Variants in ASIC2 observed in about 807,000 individuals in gnomAD.
ASIC2 encodes the protein acid sensing ion channel subunit 2.
In ASIC2, 25 loss-of-function variants were observed where a neutral mutation model predicts 57.3. The ratio of observed to expected loss-of-function variants is 0.44; its 90% CI spans 0.32 to 0.61. The LOEUF is 0.61. Among genes scored for constraint, ASIC2 ranks in the 20% least tolerant of loss-of-function variants. The pLI, the probability that ASIC2 is intolerant of heterozygous loss-of-function variation, is 0.06. For synonymous variants in ASIC2, 319 were observed against 307.5 expected (o/e 1.04, Z -0.39); for missense variants, 641 against 738.1 (o/e 0.87, Z 1.52).
intron 3 of ASIC2, among the ~76,000 whole-genome samples, chr17:33,071,281 A>G (rs1032363340): frequency 6.6e-6 from 1 of 152,160 alleles, no homozygotes; most frequent in Non-Finnish European, 1.5e-5. Flanking sequence ...TACATTCTTC[A>G]TTTTAAAAAT....
rs572403506 is a variant in ASIC2, at chr17:33,810,431, A to G, written c.555+345547T>C. 5.3e-5 allele frequency among the ~76,000 whole-genome samples: 8 copies of G among 152,332 alleles called. No individual in the cohort carries two copies. The East Asian group carries it at 5.8e-4, about 11-fold the overall frequency. ...TGTGTGGGGGTGGGCATCAGGAGGCATCAGTAATTCTTGTTCTTAAAGAAC... is the reference window on the plus strand; with the variant it reads ...TGTGTGGGGGTGGGCATCAGGAGGCGTCAGTAATTCTTGTTCTTAAAGAAC... On this transcript the variant is annotated intron_variant, in intron 1 of 9. Transcript: ENST00000359872.
chr17:34,017,748 T>C (rs906350249), intron 1 of ASIC2, among the ~76,000 whole-genome samples: 8 of 152,170 alleles, frequency 5.3e-5, no homozygotes, highest in African/African-American at 1.9e-4. Context: ...CAAAGCCTAA[T>C]CCAGAGCAAG....
intron 3 of ASIC2, among the ~76,000 whole-genome samples, chr17:33,060,671 A>G (rs953655266): frequency 2.6e-5 from 4 of 152,126 alleles, no homozygotes; most frequent in African/African-American, 9.7e-5. Flanking sequence ...TATGAACTTT[A>G]AAGTAGTTTT....
chr17:33,383,544 T>C (rs1330934851), intron 1 of ASIC2, among the ~76,000 whole-genome samples: 1 of 152,198 alleles, frequency 6.6e-6, no homozygotes, highest in Admixed American at 6.5e-5. Context: ...AGTAAATTGA[T>C]CTTTTGACTC....
intron 1 of ASIC2, among the ~76,000 whole-genome samples, chr17:34,043,627 A>T (rs1414305382): frequency 1.3e-5 from 2 of 152,268 alleles, no homozygotes; most frequent in East Asian, 3.8e-4. Context: ...GAAAGTAGAC[A>T]TTCAGCAAAT....
chr17:33,799,194 T>A (rs1912006319), intron 1 of ASIC2, among the ~76,000 whole-genome samples: 1 of 152,054 alleles, frequency 6.6e-6, no homozygotes, highest in South Asian at 2.1e-4. Context: ...CTCAGAGATA[T>A]ATTTGTGTAA....
intron 1 of ASIC2, among the ~76,000 whole-genome samples, chr17:33,877,184 A>C (rs929092377): frequency 5.9e-5 from 9 of 152,234 alleles, no homozygotes; most frequent in African/African-American, 2.2e-4. Flanking sequence ...TACAGCTCCC[A>C]GCGTGAGCAA....
intron 1 of ASIC2, among the ~76,000 whole-genome samples, chr17:33,700,190 G>T (rs1908653411): frequency 6.6e-6 from 1 of 152,054 alleles, no homozygotes; most frequent in East Asian, 1.9e-4. Flanking sequence ...TGGAACCCTT[G>T]GTAAATGGTT....
chr17:33,737,070 A>G (rs934552547), intron 1 of ASIC2, among the ~76,000 whole-genome samples: 1 of 152,216 alleles, frequency 6.6e-6, no homozygotes, highest in Non-Finnish European at 1.5e-5. Flanking sequence ...CAATCTATTC[A>G]TCTATTCCTG....
chr17:34,099,141 AGAGACAGAGAGAG>A (rs1910678893), intron 1 of ASIC2, among the ~76,000 whole-genome samples: 1 of 21,280 alleles, frequency 4.7e-5, no homozygotes, highest in African/African-American at 1.2e-4. Flanking sequence ...AGAGAGAGAG[AGAGACAGAGAGAG>A]AGAGAGAGAG....
chr17:33,479,675 C>T (rs1001458841), intron 1 of ASIC2, among the ~76,000 whole-genome samples: 2 of 152,154 alleles, frequency 1.3e-5, no homozygotes, highest in Admixed American at 6.5e-5. Context: ...GGGCATAACC[C>T]GTGCTGGGGC....
chr17:33,468,123 G>A (rs1024261720), intron 1 of ASIC2, among the ~76,000 whole-genome samples: 1 of 152,180 alleles, frequency 6.6e-6, no homozygotes, highest in South Asian at 2.1e-4. Context: ...TCAAAGATAT[G>A]AATGACAGAG....
At chr17:33,356,660 A>C (rs1401459096) in intron 1 of ASIC2, among the ~76,000 whole-genome samples, 1 of 152,136 alleles carries the variant, frequency 6.6e-6, no homozygotes, top group Non-Finnish European at 1.5e-5. Flanking sequence ...ATAGTATTCA[A>C]ATGAGGCCCC....
At chr17:33,769,201 T>A (rs146689614) in intron 1 of ASIC2, among the ~76,000 whole-genome samples, 32 of 152,212 alleles carry the variant, frequency 2.1e-4, no homozygotes, top group African/African-American at 7.7e-4. Context: ...CTGCCATCCA[T>A]TGGGGTGTGG....
At chr17:33,517,031 C>G (rs1420177865) in intron 1 of ASIC2, among the ~76,000 whole-genome samples, 1 of 152,222 alleles carries the variant, frequency 6.6e-6, no homozygotes. Context: ...CGAAGCCTCT[C>G]TTTTCTTCTA....
At chr17:33,614,541 G>A (rs1011922415) in intron 1 of ASIC2, among the ~76,000 whole-genome samples, 22 of 152,276 alleles carry the variant, frequency 1.4e-4, no homozygotes, top group Admixed American at 7.8e-4. Flanking sequence ...TTTCTGCATC[G>A]CCAAGGGGCT....
chr17:34,117,368 C>T (rs946274747), intron 1 of ASIC2, among the ~76,000 whole-genome samples: 2 of 152,138 alleles, frequency 1.3e-5, no homozygotes, highest in Admixed American at 1.3e-4. Flanking sequence ...ACAGAGGAAA[C>T]GGCATATGGT....
intron 1 of ASIC2, among the ~76,000 whole-genome samples, chr17:33,516,682 G>T (rs975159508): frequency 6.6e-6 from 1 of 152,146 alleles, no homozygotes; most frequent in Non-Finnish European, 1.5e-5. Context: ...ATGTGAGCTC[G>T]CTGACATCAG....
chr17:33,147,909 C>T (rs967896735), intron 1 of ASIC2, among the ~76,000 whole-genome samples: 3 of 152,164 alleles, frequency 2.0e-5, no homozygotes, highest in African/African-American at 2.4e-5. Flanking sequence ...ACTGGAGGAC[C>T]GGGATGCATA....
Sources: allele counts gnomAD v4.1 joint callset (sites outside exome capture counted in the v4.1 genomes callset), GRCh38; gene constraint gnomAD v4.1.1; transcripts MANE v1.5; gene names NCBI Gene and HGNC (gene_info 2026-07-23, HGNC 2026-07-21).